ZKSCAN7: variants seen among roughly 807,000 people sequenced by gnomAD.
The protein encoded by ZKSCAN7 is zinc finger with KRAB and SCAN domains 7, also known as zinc finger protein with KRAB and SCAN domains 7.
A neutral mutation model predicts 65.3 loss-of-function variants in ZKSCAN7; 38 were observed. The ratio of observed to expected loss-of-function variants is 0.58; its 90% CI spans 0.45 to 0.76. ZKSCAN7 has a LOEUF of 0.76. Ranked by LOEUF, ZKSCAN7 falls within the 30% of genes least tolerant of loss-of-function variation. The probability of loss-of-function intolerance (pLI) is 0.00; values close to 1 mark genes in which losing one functional copy is unlikely to be tolerated. For synonymous variants in ZKSCAN7, 321 were observed against 321.0 expected, an observed-to-expected ratio of 1.00 and a Z score of 0.00; for missense variants, 815 against 913.3, an observed-to-expected ratio of 0.89 and a Z score of 1.39.
downstream of ZKSCAN7, among the ~76,000 whole-genome samples, chr3:44,572,849 C>CAAAAAAAAAAAAAAAAAAAAAAAAAA (rs11339297): frequency 7.9e-4 from 57 of 72,402 alleles, no homozygotes; most frequent in Non-Finnish European, 1.2e-3. Context: ...GACTCTGTCT[C>CAAAAAAAAAAAAAAAAAAAAAAAAAA]AAAAAAAAAA....
At chr3:44,556,562 T>C (rs898972552) in intron 1 of ZKSCAN7, among the ~76,000 whole-genome samples, 1 of 152,248 alleles carries the variant, frequency 6.6e-6, no homozygotes. Context: ...ATACATTAAA[T>C]AGGAGTTAAA....
At chr3:44,580,872 A>G (rs1035091313) in intron 5 of ZKSCAN7, 11 of 1,613,494 alleles carry the variant, frequency 6.8e-6, no homozygotes, top group African/African-American at 6.7e-5. Context: ...ATCTGGAGCC[A>G]GGAGGAGCCA....
downstream of ZKSCAN7, among the ~76,000 whole-genome samples, chr3:44,574,387 T>C (rs953779997): frequency 6.6e-6 from 1 of 152,234 alleles, no homozygotes; most frequent in Non-Finnish European, 1.5e-5. Flanking sequence ...GTACTGAGAT[T>C]ACAGGTGTGA....
At chr3:44,560,368 C>T (rs1487702999) in intron 2 of ZKSCAN7, among the ~76,000 whole-genome samples, 2 of 152,116 alleles carry the variant, frequency 1.3e-5, no homozygotes, top group South Asian at 2.1e-4. Context: ...AGTCATTTTG[C>T]TTATCAGGAG....
chr3:44,582,073 G>A (rs983615125), intron 5 of ZKSCAN7, among the ~76,000 whole-genome samples: 1 of 152,228 alleles, frequency 6.6e-6, no homozygotes, highest in Admixed American at 6.5e-5. Flanking sequence ...GTCATGCTCT[G>A]CCCTGATGGG....
intron 5 of ZKSCAN7, among the ~76,000 whole-genome samples, chr3:44,577,297 T>G (rs948065910): frequency 3.3e-5 from 5 of 152,094 alleles, no homozygotes; most frequent in Admixed American, 6.5e-5. Flanking sequence ...TTTTTTGTTT[T>G]TTTTTAGGAA....
At chr3:44,583,028 G>C (rs1700123619) in exon 6 of ZKSCAN7, 1 of 438,550 alleles carries the variant, frequency 2.3e-6, no homozygotes, top group East Asian at 7.5e-5. Context: ...CCGAGTTCAA[G>C]CGATTCTCCT....
chr3:44,570,905 C>T lies in ZKSCAN7; in HGVS notation c.1795C>T (p.Arg599Ter), dbSNP rs1559429564. Reference sequence around the variant, plus strand: ...GAACTCTCAACTCATTGAGCATGAGCGAATTCATACTGGAGAAAAACCTTT... The same window carrying T: ...GAACTCTCAACTCATTGAGCATGAGTGAATTCATACTGGAGAAAAACCTTT... ...NQNSQLIEHERIHTGEKPFEC... is the reference protein window; with the variant it reads ...NQNSQLIEHE Residue 599 changes from arginine (R) to a stop codon, truncating the protein, a stop_gained, in exon 6 of 6, where the codon CGA becomes TGA. Transcript: ENST00000426540. LOFTEE classifies it high-confidence loss of function. The T allele has an allele frequency of 9.3e-6, 15 of 1,614,062 alleles. No individual in the cohort carries two copies. The highest frequency in any genetic ancestry group is 1.7e-5 in the Admixed American group (1 of 60,020).
chr3:44,578,824 C>G (rs1370469993), intron 5 of ZKSCAN7, among the ~76,000 whole-genome samples: 1 of 152,246 alleles, frequency 6.6e-6, no homozygotes, highest in African/African-American at 2.4e-5. Flanking sequence ...CTTCAATCTT[C>G]TTCTGGTGCG....
At position 44,570,210 on chromosome 3, in the gene ZKSCAN7, C is replaced by T; in HGVS notation, c.1100C>T (p.Ser367Phe). ...YKEVGEHPPL[S>F]SSPVEHEGVL... ...GAAGTTGGGGAACATCCACCTCTGTCTTCCAGTCCTGTTGAACATGAAGGA... is the reference window on the plus strand; with the variant it reads ...GAAGTTGGGGAACATCCACCTCTGTTTTCCAGTCCTGTTGAACATGAAGGA... Residue 367 changes from serine (S) to phenylalanine (F), a missense_variant, in exon 6 of 6, where the codon TCT becomes TTT. Ser to Phe is a radical substitution (Grantham distance 155). Coordinates refer to ENST00000426540, the MANE Select transcript of ZKSCAN7 (RefSeq NM_001288590.2). 6.2e-7 allele frequency: 1 copy of T among 1,614,242 alleles called. No individual in the cohort carries two copies. Among genetic ancestry groups the T allele is most frequent in the South Asian group, 1.1e-5 (1 of 91,086 alleles).
chr3:44,557,315 A>G lies in ZKSCAN7; in HGVS notation c.268A>G (p.Lys90Glu). The G allele has an allele frequency of 6.2e-7, 1 of 1,614,262 alleles. No homozygotes were observed. Among genetic ancestry groups the G allele is most frequent in the Non-Finnish European group, 8.5e-7 (1 of 1,180,048 alleles). The change falls in exon 2 of 6, where the codon AAG (lysine) becomes GAG (glutamate). Residue 90 changes from lysine (K) to glutamate (E), a missense_variant. Lys to Glu is a moderately conservative substitution (Grantham distance 56). This residue lies in a region of ZKSCAN7 where 227 missense variants were observed against 253.3 expected (regional missense o/e 0.90). Coordinates refer to ENST00000426540, the MANE Select transcript of ZKSCAN7 (RefSeq NM_001288590.2). ...RWWLMPEVHT[K>E]EQILELLVLE... Reference sequence around the variant, plus strand: ...GTGGCTCATGCCAGAGGTGCACACCAAGGAGCAGATCCTGGAGCTGCTGGT... The same window carrying G: ...GTGGCTCATGCCAGAGGTGCACACCGAGGAGCAGATCCTGGAGCTGCTGGT...
At chr3:44,575,805 C>T (rs1484925942), downstream of ZKSCAN7, among the ~76,000 whole-genome samples, 8 of 152,068 alleles carry the variant, frequency 5.3e-5, no homozygotes, top group South Asian at 1.0e-3. Context: ...CTCGAATTCC[C>T]GACCTCAGGT....
downstream of ZKSCAN7, among the ~76,000 whole-genome samples, chr3:44,576,224 A>G (rs1022873855): frequency 6.6e-6 from 1 of 152,158 alleles, no homozygotes; most frequent in African/African-American, 2.4e-5. Flanking sequence ...ATTCTGTAAG[A>G]TTCTTTTCCT....
intron 5 of ZKSCAN7, among the ~76,000 whole-genome samples, chr3:44,581,381 A>G (rs1163471972): frequency 2.0e-5 from 3 of 152,026 alleles, no homozygotes; most frequent in Admixed American, 1.3e-4. Flanking sequence ...GCCGCTGCAA[A>G]TGACCAATTC....
intron 2 of ZKSCAN7, among the ~76,000 whole-genome samples, chr3:44,562,943 C>T (rs1007297901): frequency 6.6e-6 from 1 of 151,670 alleles, no homozygotes; most frequent in African/African-American, 2.4e-5. Context: ...GCACTCCAGC[C>T]TGGGTGACAG....
chr3:44,580,856 G>A (rs572709422), intron 5 of ZKSCAN7: 6 of 1,613,502 alleles, frequency 3.7e-6, no homozygotes, highest in African/African-American at 1.3e-5. Context: ...TGTCAAAGTC[G>A]GTCCCATCTG....
At position 44,571,199 on chromosome 3, in the gene ZKSCAN7, G is replaced by T. The variant is rs755725885; in HGVS notation, c.2089G>T (p.Gly697Trp). 1 of 1,614,160 alleles carries T rather than the reference G, an allele frequency of 6.2e-7. No homozygotes were observed. Among genetic ancestry groups the T allele is most frequent in the Non-Finnish European group, 8.5e-7 (1 of 1,180,038 alleles). The change falls in exon 6 of 6, where the codon GGG becomes TGG. Residue 697 changes from glycine to tryptophan, a missense_variant. Physicochemically the swap from Gly to Trp is radical, Grantham distance 184. This residue lies in a region of ZKSCAN7 where 578 missense variants were observed against 629.5 expected (regional missense o/e 0.92). Coordinates refer to ENST00000426540, the MANE Select transcript of ZKSCAN7 (RefSeq NM_001288590.2). ...GEKPYKCNDC[G>W]KAFSDSSQLI... ...AAAACCCTATAAATGCAATGATTGT[G>T]GGAAAGCTTTTAGTGACAGCTCACA...
At chr3:44,562,720 C>T (rs764656442) in intron 2 of ZKSCAN7, among the ~76,000 whole-genome samples, 10 of 152,168 alleles carry the variant, frequency 6.6e-5, no homozygotes, top group African/African-American at 2.2e-4. Flanking sequence ...TGGTGGCTCA[C>T]GCCTGTAATC....
intron 2 of ZKSCAN7, among the ~76,000 whole-genome samples, chr3:44,558,851 C>A (rs920928843): frequency 3.0e-5 from 4 of 133,740 alleles, no homozygotes; most frequent in African/African-American, 8.6e-5. Context: ...ATGAACATGG[C>A]TCACTGCAAG....
Sources: gnomAD v4.1 joint callset for allele counts (sites outside exome capture counted in the v4.1 genomes callset) on GRCh38, gnomAD v4.1.1 for gene constraint, gnomAD v4.1.1 regional missense constraint, MANE v1.5 for transcripts, NCBI Gene and HGNC (gene_info 2026-07-23, HGNC 2026-07-21) for gene names.